Variants in PCDHA9 observed in about 807,000 individuals in gnomAD.
PCDHA9 encodes protocadherin alpha 9.
Under a neutral mutation model 62.0 loss-of-function variants are expected in PCDHA9, and 62 were observed. The observed-to-expected ratio is 1.00, with a 90% CI of 0.81 to 1.23. The LOEUF (loss-of-function observed/expected upper bound fraction) is 1.23, where lower values mean the gene tolerates loss of function less well. Among genes scored for constraint, PCDHA9 ranks in the 50% most tolerant of loss-of-function variants. The probability of loss-of-function intolerance (pLI) is 0.00; values close to 1 mark genes in which losing one functional copy is unlikely to be tolerated. For missense variants in PCDHA9, 1,205 were observed against 1,249.8 expected (o/e 0.96, Z 0.54); for synonymous variants, 557 against 567.6 (o/e 0.98, Z 0.27).
chr5:140,997,698 A>G (rs1587762890), intron 3 of PCDHA9, among the ~76,000 whole-genome samples: 4 of 145,560 alleles, frequency 2.7e-5, no homozygotes, highest in South Asian at 2.2e-4. Context: ...GTGTGTGTGT[A>G]TGTTAACAAA....
At chr5:140,856,568 A>C in intron 1 of PCDHA9, 1 of 1,597,928 alleles carries the variant, frequency 6.3e-7, no homozygotes, top group Non-Finnish European at 8.6e-7. Flanking sequence ...ACTCAGTCCA[A>C]ATGAGTATTT....
At chr5:140,883,388 G>T (rs2059587175) in intron 1 of PCDHA9, 2 of 1,614,164 alleles carry the variant, frequency 1.2e-6, no homozygotes, top group Non-Finnish European at 1.7e-6. Context: ...CCTAATCAGT[G>T]TGTCCGATCG....
chr5:140,870,763 G>T (rs1386684596), intron 1 of PCDHA9: 1 of 1,613,434 alleles, frequency 6.2e-7, no homozygotes, highest in African/African-American at 1.3e-5. Context: ...GCAGGTGTTC[G>T]TGCTGGACGA....
intron 1 of PCDHA9, chr5:140,871,124 C>T (rs782035990): frequency 1.9e-6 from 3 of 1,613,326 alleles, no homozygotes; most frequent in Non-Finnish European, 8.5e-7. Context: ...AGCGGACAGG[C>T]GCCAAAGGCC....
At chr5:140,938,187 C>A (rs1584944424) in intron 1 of PCDHA9, among the ~76,000 whole-genome samples, 1 of 152,276 alleles carries the variant, frequency 6.6e-6, no homozygotes, top group Non-Finnish European at 1.5e-5. Context: ...CTCAAGCAAT[C>A]CTCCCACGCC....
chr5:140,889,063 A>G (rs1423499022), intron 1 of PCDHA9, among the ~76,000 whole-genome samples: 2 of 151,938 alleles, frequency 1.3e-5, no homozygotes, highest in Non-Finnish European at 2.9e-5. Context: ...CTTTTAATAT[A>G]CTACTTATTT....
chr5:140,849,893 G>A lies in PCDHA9; in HGVS notation c.1398G>A (p.Glu466=). ...CCGAGTACACGGTGTTCGTGAAGGA[G>A]AACAACCCGCCGGGCTGCCACATCT... ...AQSEYTVFVK[E]NNPPGCHIFT... is the part of the protein sequence containing the mutation. The change falls in exon 1 of 4, where the codon GAG becomes GAA. Residue 466 remains glutamate (E), a synonymous_variant. Transcript: ENST00000532602. 1 of 1,598,550 alleles carries A rather than the reference G, an allele frequency of 6.3e-7. No homozygotes were observed. The highest frequency in any genetic ancestry group is 8.6e-7 in the Non-Finnish European group (1 of 1,167,970).
chr5:140,869,465 T>G (rs1291817814), intron 1 of PCDHA9: 7 of 1,614,026 alleles, frequency 4.3e-6, no homozygotes, highest in Non-Finnish European at 5.9e-6. Context: ...CATGTGAACG[T>G]GGAGGTGAAG....
At chr5:140,856,077 T>A in intron 1 of PCDHA9, 1 of 1,593,712 alleles carries the variant, frequency 6.3e-7, no homozygotes, top group South Asian at 1.1e-5. Flanking sequence ...TGCCTGGGGG[T>A]CCAGTGTCTG....
intron 2 of PCDHA9, among the ~76,000 whole-genome samples, chr5:140,980,645 G>A (rs1322302727): frequency 6.7e-6 from 1 of 149,206 alleles, no homozygotes; most frequent in African/African-American, 2.5e-5. Flanking sequence ...ATAAATAAAT[G>A]AATAAAATAA....
At chr5:140,968,310 G>T (rs2096237719) in intron 1 of PCDHA9, 4 of 1,613,920 alleles carry the variant, frequency 2.5e-6, no homozygotes, top group Non-Finnish European at 3.4e-6. Flanking sequence ...GAGATTCAAG[G>T]GCTGCCAGTC....
At chr5:140,875,474 T>C (rs1369376569) in intron 1 of PCDHA9, 1 of 1,606,582 alleles carries the variant, frequency 6.2e-7, no homozygotes, top group Non-Finnish European at 8.5e-7. Flanking sequence ...TTTTCTGCAA[T>C]GGTGATTATC....
At chr5:140,877,920 C>A in intron 1 of PCDHA9, 1 of 1,422,738 alleles carries the variant, frequency 7.0e-7, no homozygotes, top group Admixed American at 2.9e-5. Flanking sequence ...TCTCATTTTT[C>A]TTTATGATTC....
intron 1 of PCDHA9, among the ~76,000 whole-genome samples, chr5:140,920,489 A>G (rs1323711960): frequency 2.6e-5 from 4 of 152,182 alleles, no homozygotes; most frequent in African/African-American, 9.7e-5. Flanking sequence ...TGGTCCAACA[A>G]TAGAGTTCTA....
intron 1 of PCDHA9, among the ~76,000 whole-genome samples, chr5:140,892,166 A>G (rs2063413664): frequency 6.6e-6 from 1 of 152,228 alleles, no homozygotes; most frequent in Admixed American, 6.5e-5. Flanking sequence ...TATGTCCAGT[A>G]ACTGGGATCC....
intron 1 of PCDHA9, chr5:140,861,363 G>A: frequency 2.8e-6 from 1 of 354,256 alleles, no homozygotes; most frequent in Non-Finnish European, 5.8e-6. Flanking sequence ...TAGCGTCTTC[G>A]CGGTCCCTAT....
intron 1 of PCDHA9, among the ~76,000 whole-genome samples, chr5:140,925,996 T>C (rs2082856637): frequency 6.6e-6 from 1 of 152,190 alleles, no homozygotes; most frequent in Non-Finnish European, 1.5e-5. Context: ...CTGGCTCCGC[T>C]GCCTCGAAAA....
At chr5:140,876,418 T>C in intron 1 of PCDHA9, 1 of 1,613,982 alleles carries the variant, frequency 6.2e-7, no homozygotes, top group Non-Finnish European at 8.5e-7. Flanking sequence ...GAATAATGCC[T>C]ATGAAATTCA....
At chr5:140,876,445 A>G in intron 1 of PCDHA9, 1 of 1,614,014 alleles carries the variant, frequency 6.2e-7, no homozygotes, top group Non-Finnish European at 8.5e-7. Context: ...CGCCATTGAT[A>G]AAGGGATTCC....
Sources: allele counts gnomAD v4.1 joint callset (sites outside exome capture counted in the v4.1 genomes callset), GRCh38; gene constraint gnomAD v4.1.1; transcripts MANE v1.5; gene names NCBI Gene and HGNC (gene_info 2026-07-23, HGNC 2026-07-21).